The following YAF2 variants were observed in gnomAD, a reference collection of about 807,000 sequenced individuals.
YAF2 encodes the protein YY1 associated factor 2.
A neutral mutation model predicts 20.1 loss-of-function variants in YAF2; 7 were observed. The observed-to-expected ratio is 0.35, with a 90% CI of 0.20 to 0.65. YAF2 has a LOEUF of 0.65. Ranked by LOEUF, YAF2 falls within the 30% of genes least tolerant of loss-of-function variation. YAF2 has a pLI of 0.69. For synonymous variants in YAF2, 74 were observed against 76.0 expected, an observed-to-expected ratio of 0.97 and a Z score of 0.14; for missense variants, 151 against 219.2, an observed-to-expected ratio of 0.69 and a Z score of 1.96.
At chr12:42,228,839 C>T (rs375069269) in intron 2 of YAF2, among the ~76,000 whole-genome samples, 4 of 59,656 alleles carry the variant, frequency 6.7e-5, no homozygotes, top group Admixed American at 5.5e-4. Context: ...AGGTGAGGGG[C>T]GCCTCTGCCC....
chr12:42,228,005 C>T (rs1321471461), intron 2 of YAF2, among the ~76,000 whole-genome samples: 9 of 134,526 alleles, frequency 6.7e-5, no homozygotes, highest in South Asian at 2.4e-4. Flanking sequence ...CCAGCCGCCC[C>T]GTCCAGGAGG....
chr12:42,162,321 C>A (rs184278541), intron 2 of YAF2, among the ~76,000 whole-genome samples: 4 of 152,304 alleles, frequency 2.6e-5, no homozygotes. Flanking sequence ...TGGAGATCTG[C>A]CCAGTCTTTT....
At chr12:42,167,925 G>A (rs1302160485) in intron 2 of YAF2, among the ~76,000 whole-genome samples, 2 of 152,134 alleles carry the variant, frequency 1.3e-5, no homozygotes, top group South Asian at 2.1e-4. Context: ...GTCTGGCTTT[G>A]TTTCCATACC....
At chr12:42,191,448 T>A (rs927006877) in intron 2 of YAF2, among the ~76,000 whole-genome samples, 2 of 152,192 alleles carry the variant, frequency 1.3e-5, no homozygotes, top group Admixed American at 6.5e-5. Context: ...AGTAATTTTG[T>A]TCTAGTGTGT....
chr12:42,161,951 A>G (rs1256013286), intron 2 of YAF2, among the ~76,000 whole-genome samples, 186 bp from the exon 3 acceptor site: 1 of 152,226 alleles, frequency 6.6e-6, no homozygotes, highest in Non-Finnish European at 1.5e-5. Flanking sequence ...CCGTTCAACA[A>G]AAATGGAACA....
At chr12:42,165,773 G>GTTT (rs71084620) in intron 2 of YAF2, among the ~76,000 whole-genome samples, 4 of 116,088 alleles carry the variant, frequency 3.4e-5, no homozygotes, top group African/African-American at 3.5e-5. Flanking sequence ...GCCCGGCCAG[G>GTTT]TTTTTTTTTT....
At chr12:42,213,633 C>A (rs2067272575) in intron 2 of YAF2, among the ~76,000 whole-genome samples, 2 of 152,146 alleles carry the variant, frequency 1.3e-5, no homozygotes, top group Admixed American at 1.3e-4. Flanking sequence ...GAATAAATAA[C>A]TTTTTAAAAT....
chr12:42,162,693 T>A (rs994478825), intron 2 of YAF2, among the ~76,000 whole-genome samples: 2 of 152,190 alleles, frequency 1.3e-5, no homozygotes, highest in Non-Finnish European at 2.9e-5. Context: ...TTTCTCCTGT[T>A]CCTCTATGGC....
At chr12:42,221,493 A>C (rs1043750826) in intron 2 of YAF2, among the ~76,000 whole-genome samples, 1 of 152,096 alleles carries the variant, frequency 6.6e-6, no homozygotes, top group Non-Finnish European at 1.5e-5. Flanking sequence ...CAGGAGTTTG[A>C]AGTTATAGTA....
At chr12:42,228,770 C>G (rs2067873052) in intron 2 of YAF2, among the ~76,000 whole-genome samples, 1 of 62,384 alleles carries the variant, frequency 1.6e-5, no homozygotes, top group Non-Finnish European at 2.9e-5. Flanking sequence ...GGCCAGCCGC[C>G]CCGTCCGGGA....
At chr12:42,233,155 A>G (rs1385345325) in intron 2 of YAF2, 2 of 985,468 alleles carry the variant, frequency 2.0e-6, no homozygotes, top group Non-Finnish European at 2.4e-6. Flanking sequence ...TACCAAAATC[A>G]TACTAGTGTA....
chr12:42,213,352 C>T (rs1389946461), intron 2 of YAF2, among the ~76,000 whole-genome samples: 1 of 152,220 alleles, frequency 6.6e-6, no homozygotes, highest in African/African-American at 2.4e-5. Flanking sequence ...CCTAAGCTGA[C>T]TGCAGGCTTG....
At chr12:42,234,228 AGAAAG>A in intron 2 of YAF2, 1 of 676,124 alleles carries the variant, frequency 1.5e-6, no homozygotes, top group African/African-American at 2.3e-5. Flanking sequence ...AGAAAAGAAA[AGAAAG>A]AAAAGAAACT....
intron 2 of YAF2, among the ~76,000 whole-genome samples, chr12:42,193,504 T>C (rs2066670207): frequency 6.6e-6 from 1 of 152,046 alleles, no homozygotes; most frequent in Admixed American, 6.6e-5. Context: ...GAAGGCATTG[T>C]TGTTTTTGGT....
Position 42,194,011 on chromosome 12 carries a change from G to A in YAF2, c.153-32246C>T, listed in dbSNP as rs1319027556. 3.9e-5 allele frequency among the ~76,000 whole-genome samples: 6 copies of A among 152,126 alleles called. No homozygotes were observed. In the East Asian group the frequency reaches 9.6e-4, roughly 24 times the overall value. ...AATTTTTGAATGGAGAAAGCACACAGAATAAGGATATAAAGAAAGAAAATA... is the reference window on the plus strand; with the variant it reads ...AATTTTTGAATGGAGAAAGCACACAAAATAAGGATATAAAGAAAGAAAATA... On this transcript the variant is annotated intron_variant, in intron 2 of 3. Coordinates refer to ENST00000534854, the MANE Select transcript of YAF2 (RefSeq NM_005748.6).
chr12:42,236,571 G>T (rs1293252840), intron 2 of YAF2, among the ~76,000 whole-genome samples: 4 of 152,054 alleles, frequency 2.6e-5, no homozygotes, highest in Non-Finnish European at 5.9e-5. Context: ...TCTGTAAAGT[G>T]TTTTTTAAAA....
In YAF2 at chr12:42,227,113, T is replaced by G. The variant is rs1042661449; in HGVS notation, c.152+10486A>C. On this transcript the variant is annotated intron_variant, in intron 2 of 3. Coordinates refer to ENST00000534854, the MANE Select transcript of YAF2 (RefSeq NM_005748.6). ...TGGAGTTCAGCGGGCAGCGGAGCTG[T>G]CTCAGTCTTTGCCGCCGCGCCGGCG... Among the ~76,000 whole-genome samples the G allele has an allele frequency of 3.3e-3, 475 of 145,318 alleles. 2 individuals are homozygous for G. The highest frequency in any genetic ancestry group is 0.011 in the African/African-American group (441 of 39,236).
chr12:42,227,514 G>A (rs1247740960), intron 2 of YAF2, among the ~76,000 whole-genome samples: 2 of 145,458 alleles, frequency 1.4e-5, no homozygotes, highest in African/African-American at 2.6e-5. Flanking sequence ...TGTGAGGAGC[G>A]CCTCTGCCCT....
At chr12:42,161,519 T>A in intron 3 of YAF2, 94 bp downstream of exon 3, 1 of 1,349,868 alleles carries the variant, frequency 7.4e-7, no homozygotes, top group Non-Finnish European at 9.7e-7. Flanking sequence ...ACCAAATATT[T>A]TACTTCCACT....
Sources: allele counts gnomAD v4.1 joint callset (sites outside exome capture counted in the v4.1 genomes callset), GRCh38; gene constraint gnomAD v4.1.1; transcripts MANE v1.5; gene names NCBI Gene and HGNC (gene_info 2026-07-23, HGNC 2026-07-21).